The following MAIP1 variants were observed in gnomAD, a reference collection of about 807,000 sequenced individuals.
The protein encoded by MAIP1 is m-AAA protease-interacting protein 1, mitochondrial.
MAIP1 carries 28 observed loss-of-function variants against 31.2 expected under a neutral mutation model. The ratio of observed to expected loss-of-function variants is 0.90; its 90% CI spans 0.67 to 1.23. The LOEUF (loss-of-function observed/expected upper bound fraction) is 1.23. Among genes scored for constraint, MAIP1 ranks in the 50% most tolerant of loss-of-function variants. The probability of loss-of-function intolerance (pLI) is 0.00; values close to 1 mark genes in which losing one functional copy is unlikely to be tolerated. For missense variants in MAIP1, 339 were observed against 356.0 expected, an observed-to-expected ratio of 0.95 and a Z score of 0.38; for synonymous variants, 142 against 142.3, an observed-to-expected ratio of 1.00 and a Z score of 0.02.
At chr2:199,959,463 T>C (rs1016403298) in intron 2 of MAIP1, 124 bp downstream of exon 2, 1 of 670,428 alleles carries the variant, frequency 1.5e-6, no homozygotes, top group Non-Finnish European at 2.6e-6. Flanking sequence ...AGAGTCTGTG[T>C]ATCTGTTCTT....
In MAIP1 at chr2:199,959,294, G is replaced by A; in HGVS notation, c.477G>A (p.Leu159=). The A allele has an allele frequency of 6.3e-7, 1 of 1,596,496 alleles. No homozygotes were observed. Among genetic ancestry groups the A allele is most frequent in the Non-Finnish European group, 8.6e-7 (1 of 1,164,570 alleles). ...KQAFAHVSKL[L]SQCKFDLLEE... ...CTTTTGCTCATGTATCCAAGTTGCT[G>A]TCACAGTGTAAATTTGATCTGTTGG... Residue 159 remains leucine, a synonymous_variant, in exon 2 of 5, where the codon CTG becomes CTA. Transcript: ENST00000392290.
rs944767311 is a variant in MAIP1 at position 199,963,029 on chromosome 2, A to AT, written c.798-694dup. 9.1e-4 allele frequency among the ~76,000 whole-genome samples: 134 copies of AT among 147,770 alleles called. 1 individual carries two copies. Among genetic ancestry groups the AT allele is most frequent in the Middle Eastern group, 3.5e-3 (1 of 288 alleles). On this transcript the variant is annotated intron_variant, in intron 4 of 4. Transcript: ENST00000392290. ...TAAGGTAAAAGAGAATTATATCCTC[A>AT]TTTTTTTTTTGCTCTTCTTAAAAGA...
chr2:199,958,887 G>T (rs746613442), intron 1 of MAIP1, among the ~76,000 whole-genome samples: 1 of 152,114 alleles, frequency 6.6e-6, no homozygotes, highest in African/African-American at 2.4e-5. Flanking sequence ...ATGCAGTCTC[G>T]ACTGTTCTCC....
chr2:199,963,938 A>T lies in MAIP1; in HGVS notation c.*127A>T. 1.8e-6 allele frequency: 1 copy of T among 566,596 alleles called. No individual in the cohort carries two copies. Among genetic ancestry groups the T allele is most frequent in the Admixed American group, 3.1e-5 (1 of 32,678 alleles). 35.1% of individuals were successfully genotyped at this position (566,596 alleles called of 1,614,324 possible). The stretch of plus-strand genomic sequence containing the variant: ...AATTACTTTTATATTATTTTGAAAT[A>T]CTCCTTGCAGTATATTGGCATGATA... On this transcript the variant is annotated 3_prime_UTR_variant, in exon 5 of 5. Transcript: ENST00000392290.
chr2:199,961,752 C>T (rs1299574357), intron 3 of MAIP1, 29 bp from the exon 4 acceptor site: 6 of 1,578,500 alleles, frequency 3.8e-6, no homozygotes, highest in Non-Finnish European at 3.5e-6. Flanking sequence ...GATTTGTATT[C>T]GTATGTGTGT....
At position 199,962,466 on chromosome 2, in the gene MAIP1, T is replaced by C. The variant is rs556980290; in HGVS notation, c.797+538T>C. Among the ~76,000 whole-genome samples the C allele has an allele frequency of 5.3e-4, 81 of 152,224 alleles. 1 individual carries two copies. The highest frequency in any genetic ancestry group is 3.9e-3 in the Admixed American group (59 of 15,294). On this transcript the variant is annotated intron_variant, in intron 4 of 4. Coordinates refer to ENST00000392290, the MANE Select transcript of MAIP1 (RefSeq NM_001394955.1). ...TGGTTGAATTCTAGGAGGCAGAAAA[T>C]GGAAGCTGCTAAACCAGTAAAGGGC...
At position 199,961,809 on chromosome 2, in the gene MAIP1, C is replaced by T. The variant is rs768088252; in HGVS notation, c.678C>T (p.Cys226=). ...GGAAGTTTGTTAACATCCTGATGTG[C>T]TTTTGGTATCTAACCAGTGCCAACA... The part of the protein sequence containing the change: ...KGRKFVNILM[C]FWYLTSANIP... The change falls in exon 4 of 5, where the codon TGC becomes TGT. Residue 226 remains cysteine (C), a synonymous_variant. Coordinates refer to ENST00000392290, the MANE Select transcript of MAIP1 (RefSeq NM_001394955.1). The T allele has an allele frequency of 1.2e-6, 2 of 1,613,566 alleles. No individual in the cohort carries two copies. Among genetic ancestry groups the T allele is most frequent in the East Asian group, 2.2e-5 (1 of 44,846 alleles).
Position 199,956,014 on chromosome 2 carries a change from G to A in MAIP1, c.216G>A (p.Arg72=), listed in dbSNP as rs542176375. Residue 72 remains arginine, a synonymous_variant, in exon 1 of 5, where the codon CGG becomes CGA. Transcript: ENST00000392290. ...AASALPAQGS[R]WPVLSSPGLP... ...CGGCGCTACCTGCCCAGGGCTCCCG[G>A]TGGCCAGTGCTCAGCAGCCCGGGAC... The A allele has an allele frequency of 6.2e-7, 1 of 1,610,294 alleles. No individual in the cohort carries two copies. The highest frequency in any genetic ancestry group is 8.5e-7 in the Non-Finnish European group (1 of 1,178,240).
chr2:199,960,579 A>G (rs1239205275), intron 3 of MAIP1, among the ~76,000 whole-genome samples: 1 of 152,212 alleles, frequency 6.6e-6, no homozygotes, highest in African/African-American at 2.4e-5. Flanking sequence ...TTATTCCTCA[A>G]TAATACAGTA....
chr2:199,961,829 C>T lies in MAIP1; in HGVS notation c.698C>T (p.Ala233Val). Residue 233 changes from alanine to valine, a missense_variant, in exon 4 of 5, where the codon GCC (alanine) becomes GTC (valine). Ala to Val is a moderately conservative substitution (Grantham distance 64, BLOSUM62 0). Coordinates refer to ENST00000392290, the MANE Select transcript of MAIP1 (RefSeq NM_001394955.1). ...ILMCFWYLTS[A>V]NIPSETLRGA... ...ATGTGCTTTTGGTATCTAACCAGTG[C>T]CAACATCCCCAGTGAAACTTTAAGA... The T allele has an allele frequency of 1.2e-6, 2 of 1,613,850 alleles. No individual in the cohort carries two copies. The highest frequency in any genetic ancestry group is 2.2e-5 in the East Asian group (1 of 44,856).
rs1269905243 is a variant in MAIP1 at position 199,959,325 on chromosome 2, C to T, written c.508C>T (p.Leu170Phe). The change falls in exon 2 of 5, where the codon CTT becomes TTT. Residue 170 changes from leucine (L) to phenylalanine (F), a missense_variant. Physicochemically the swap from Leu to Phe is conservative, Grantham distance 22 (BLOSUM62 0). Transcript: ENST00000392290. ...GTGTAAATTTGATCTGTTGGAAGAA[C>T]TTGTGGCCAAAGAGGTAAAGTATAT... ...SQCKFDLLEELVAKEVLHALK... is the reference protein window; with the variant it reads ...SQCKFDLLEEFVAKEVLHALK... The T allele has an allele frequency of 6.3e-7, 1 of 1,579,662 alleles. No homozygotes were observed. The highest frequency in any genetic ancestry group is 8.7e-7 in the Non-Finnish European group (1 of 1,149,120).
At chr2:199,956,892 A>G (rs1221055462) in intron 1 of MAIP1, among the ~76,000 whole-genome samples, 16 of 152,206 alleles carry the variant, frequency 1.1e-4, no homozygotes, top group Admixed American at 1.0e-3. Flanking sequence ...CACCCTGCAC[A>G]CAGAAAATAT....
chr2:199,960,772 A>G (rs2077631337), intron 3 of MAIP1, among the ~76,000 whole-genome samples: 2 of 152,142 alleles, frequency 1.3e-5, no homozygotes, highest in Non-Finnish European at 2.9e-5. Context: ...GTGGATTTTG[A>G]GGGATGACTC....
chr2:199,962,586 AT>A (rs1169131197), intron 4 of MAIP1, among the ~76,000 whole-genome samples: 1 of 152,150 alleles, frequency 6.6e-6, no homozygotes, highest in Non-Finnish European at 1.5e-5. Flanking sequence ...AGACTCCCCC[AT>A]TTTTTGGGGC....
chr2:199,955,888 C>G lies in MAIP1; in HGVS notation c.90C>G (p.Ala30=), dbSNP rs1168944911. ...GAVRLRTPAV[A]EVRLPSATLC... is the part of the protein sequence containing the mutation. Reference sequence around the variant, plus strand: ...TCCGACTCCGGACTCCTGCTGTGGCCGAGGTGAGGCTGCCGTCGGCCACAC... The same window carrying G: ...TCCGACTCCGGACTCCTGCTGTGGCGGAGGTGAGGCTGCCGTCGGCCACAC... Residue 30 remains alanine, a synonymous_variant, in exon 1 of 5, where the codon GCC becomes GCG. Transcript: ENST00000392290. 3 of 1,564,808 alleles carry G rather than the reference C, an allele frequency of 1.9e-6. No individual in the cohort carries two copies. Among genetic ancestry groups the G allele is most frequent in the Non-Finnish European group, 8.7e-7 (1 of 1,154,680 alleles).
At chr2:199,958,858 C>A (rs1469179225) in intron 1 of MAIP1, among the ~76,000 whole-genome samples, 1 of 152,202 alleles carries the variant, frequency 6.6e-6, no homozygotes. Context: ...AGACTACAGC[C>A]CAGATTTCCA....
intron 1 of MAIP1, 55 bp downstream of exon 1, chr2:199,956,303 C>A: frequency 7.3e-7 from 1 of 1,377,170 alleles, no homozygotes; most frequent in Non-Finnish European, 1.0e-6. Flanking sequence ...AACTATTGCT[C>A]GCAGAAGTGC....
intron 2 of MAIP1, 58 bp from the exon 3 acceptor site, chr2:199,959,696 T>C (rs1251598040): frequency 1.1e-5 from 16 of 1,490,954 alleles, no homozygotes; most frequent in African/African-American, 1.4e-5. Flanking sequence ...AAGATCACTT[T>C]TTGAAAGTTT....
rs1335394691 is a variant in MAIP1, at chr2:199,956,110, GC to G, written c.313del (p.His105ThrfsTer6). 1 of 1,614,216 alleles carries G rather than the reference GC, an allele frequency of 6.2e-7. No homozygotes were observed. On this transcript the variant is annotated frameshift_variant, in exon 1 of 5. Coordinates refer to ENST00000392290, the MANE Select transcript of MAIP1 (RefSeq NM_001394955.1). LOFTEE classifies it high-confidence loss of function. ...ACAGCACGGAGGAGAAGCCCCAGCA[GC>G]ACCAGAAAACCAAGATGATCGTCCT... ...SYSTEEKPQQ[H>X]QKTKMIVLGF... is the part of the protein sequence containing the mutation.
Sources: gnomAD v4.1 joint callset for allele counts (sites outside exome capture counted in the v4.1 genomes callset) on GRCh38, gnomAD v4.1.1 for gene constraint, MANE v1.5 for transcripts, NCBI Gene and HGNC (gene_info 2026-07-23, HGNC 2026-07-21) for gene names.